WNT9A: variants seen among roughly 807,000 people sequenced by gnomAD.
WNT9A encodes the protein Wnt family member 9A.
In WNT9A, 8 loss-of-function variants were observed where a neutral mutation model predicts 31.4. The observed-to-expected ratio is 0.26, with a 90% CI of 0.15 to 0.46. WNT9A has a LOEUF of 0.46. Among genes scored for constraint, WNT9A ranks in the 20% least tolerant of loss-of-function variants. WNT9A has a pLI of 0.99. For missense variants in WNT9A, 457 were observed against 522.9 expected (o/e 0.87, Z 1.23); for synonymous variants, 236 against 220.1 (o/e 1.07, Z -0.64).
At chr1:227,939,289 C>A (rs1050167545) in intron 1 of WNT9A, among the ~76,000 whole-genome samples, 1 of 152,212 alleles carries the variant, frequency 6.6e-6, no homozygotes, top group East Asian at 1.9e-4. Flanking sequence ...GGAAGCTGGC[C>A]GCGGTGGTCA....
chr1:227,931,880 C>CTTT (rs33949354), intron 1 of WNT9A, among the ~76,000 whole-genome samples: 10,756 of 142,524 alleles, frequency 0.075, 515 homozygotes, highest in South Asian at 0.12. Context: ...GTGGAAATGT[C>CTTT]TTTTTTTTTT....
chr1:227,944,438 G>A (rs985042779), intron 1 of WNT9A, among the ~76,000 whole-genome samples: 1 of 152,228 alleles, frequency 6.6e-6, no homozygotes, highest in East Asian at 1.9e-4. Context: ...TTAAACAGTG[G>A]TGAGAGCTGC....
rs752713519 is a variant in WNT9A at position 227,925,301 on chromosome 1, G to A, written c.314C>T (p.Thr105Met). ...FQFRFERWNCTLEGRYRASLL... is the reference protein window; with the variant it reads ...FQFRFERWNCMLEGRYRASLL... Reference sequence around the variant, plus strand: ...GCTGGCCCGGTAGCGGCCCTCCAGCGTGCAGTTCCAGCGCTCAAAGCGGAA... The same window carrying A: ...GCTGGCCCGGTAGCGGCCCTCCAGCATGCAGTTCCAGCGCTCAAAGCGGAA... The change falls in exon 2 of 4, where the codon ACG becomes ATG. Residue 105 changes from threonine to methionine, a missense_variant. Physicochemically the swap from Thr to Met is moderately conservative, Grantham distance 81. Transcript: ENST00000272164. This position sits in a 1 kb window ranked among gnomAD's most constrained non-coding sequence, Gnocchi z 6.0. The A allele has an allele frequency of 1.9e-5, 30 of 1,585,244 alleles. No homozygotes were observed. Among genetic ancestry groups the A allele is most frequent in the East Asian group, 4.7e-5 (2 of 42,814 alleles).
chr1:227,936,269 A>G (rs975752066), intron 1 of WNT9A, among the ~76,000 whole-genome samples: 8 of 151,962 alleles, frequency 5.3e-5, no homozygotes, highest in African/African-American at 1.9e-4. Context: ...GATCACTGCA[A>G]CTTCCACCTC....
intron 3 of WNT9A, among the ~76,000 whole-genome samples, chr1:227,922,337 C>T (rs375170391): frequency 6.6e-6 from 1 of 152,218 alleles, no homozygotes; most frequent in Non-Finnish European, 1.5e-5. Context: ...ACCTTCTGCC[C>T]CCATTCCCAT....
intron 1 of WNT9A, among the ~76,000 whole-genome samples, chr1:227,931,671 T>C (rs1558261588): frequency 6.6e-6 from 1 of 152,228 alleles, no homozygotes; most frequent in African/African-American, 2.4e-5. Flanking sequence ...ATGCTTACAC[T>C]ACAGTCTTTA....
chr1:227,921,658 C>T lies in WNT9A; in HGVS notation c.958G>A (p.Glu320Lys), dbSNP rs761246906. 15 of 1,613,314 alleles carry T rather than the reference C, an allele frequency of 9.3e-6. No homozygotes were observed. In the Admixed American group the frequency reaches 1.3e-4, roughly 14 times the overall value. Residue 320 changes from glutamate (E) to lysine (K), a missense_variant, in exon 4 of 4, where the codon GAG becomes AAG. Physicochemically the swap from Glu to Lys is moderately conservative, Grantham distance 56. Coordinates refer to ENST00000272164, the MANE Select transcript of WNT9A (RefSeq NM_003395.4). ...GRRCHREKNC[E>K]SICCGRGHNT... Reference sequence around the variant, plus strand: ...TGGCCGCGGCCACAGCAGATGCTCTCGCAGTTCTTCTCACGGTGGCACCTA... The same window carrying T: ...TGGCCGCGGCCACAGCAGATGCTCTTGCAGTTCTTCTCACGGTGGCACCTA...
chr1:227,947,402 G>A (rs890901780), intron 1 of WNT9A, among the ~76,000 whole-genome samples: 1 of 152,198 alleles, frequency 6.6e-6, no homozygotes, highest in Non-Finnish European at 1.5e-5. Flanking sequence ...AAGAGAAAGG[G>A]GGGGAAGCTG....
chr1:227,922,100 A>C, intron 3 of WNT9A, 100 bp from the exon 4 acceptor site: 1 of 1,485,824 alleles, frequency 6.7e-7, no homozygotes, highest in Non-Finnish European at 8.9e-7. Context: ...CCACACCCCC[A>C]CCCAGGCCCA....
At chr1:227,934,236 T>G (rs1027100807) in intron 1 of WNT9A, among the ~76,000 whole-genome samples, 4 of 152,260 alleles carry the variant, frequency 2.6e-5, no homozygotes, top group Non-Finnish European at 2.9e-5. Context: ...ACAGGGAAAC[T>G]CTGTGCTTAA....
chr1:227,947,690 C>T (rs1666817688), intron 1 of WNT9A, 103 bp downstream of exon 1: 1 of 666,998 alleles, frequency 1.5e-6, no homozygotes, highest in South Asian at 6.5e-5. Flanking sequence ...CCCCGCCGCG[C>T]CCCGGCCCCA....
chr1:227,921,837 G>A lies in WNT9A; in HGVS notation c.779C>T (p.Ala260Val). ...GGAGATGGCACCTGCCTCGCCGGCA[G>A]CTTCATTGGTGGTGCTGCCCACCTT... The part of the protein sequence containing the change: ...ALKVGSTTNE[A>V]AGEAGAISPP... The change falls in exon 4 of 4, where the codon GCT becomes GTT. Residue 260 changes from alanine to valine, a missense_variant. By Grantham distance (64) the Ala-to-Val change is moderately conservative. Transcript: ENST00000272164. The A allele has an allele frequency of 6.2e-7, 1 of 1,613,140 alleles. No homozygotes were observed. Among genetic ancestry groups the A allele is most frequent in the Non-Finnish European group, 8.5e-7 (1 of 1,179,926 alleles).
rs991728002 is a variant in WNT9A at position 227,928,413 on chromosome 1, T to C, written c.96-2894A>G. ...GCCCCAGCCTAGCAGTGGCAAGGGA[T>C]GGCCTGAGGCCCAAAGGCTACGCCC... On this transcript the variant is annotated intron_variant, in intron 1 of 3. Transcript: ENST00000272164. The surrounding 1 kb of genome is among the most constrained non-coding windows in gnomAD (Gnocchi z 4.5). Among the ~76,000 whole-genome samples, 97 of 152,272 alleles carry C rather than the reference T, an allele frequency of 6.4e-4. No individual in the cohort carries two copies. Among genetic ancestry groups the C allele is most frequent in the African/African-American group, 2.2e-3 (91 of 41,546 alleles).
intron 1 of WNT9A, among the ~76,000 whole-genome samples, chr1:227,931,880 C>CTT (rs33949354): frequency 0.44 from 63,084 of 142,358 alleles, 14,214 homozygotes; most frequent in African/African-American, 0.54. Flanking sequence ...GTGGAAATGT[C>CTT]TTTTTTTTTT....
intron 1 of WNT9A, among the ~76,000 whole-genome samples, chr1:227,927,374 G>A (rs1666436527): frequency 6.6e-6 from 1 of 152,224 alleles, no homozygotes; most frequent in Non-Finnish European, 1.5e-5. Context: ...CCATGGGGAG[G>A]ACAGGAGGGA....
Position 227,947,578 on chromosome 1 carries a change from C to T in WNT9A, c.95+215G>A, listed in dbSNP as rs980177397. Among the ~76,000 whole-genome samples, 117 of 151,286 alleles carry T rather than the reference C, an allele frequency of 7.7e-4. 1 individual carries two copies. The East Asian group carries it at 0.017, about 22-fold the overall frequency. On this transcript the variant is annotated intron_variant, in intron 1 of 3. Coordinates refer to ENST00000272164, the MANE Select transcript of WNT9A (RefSeq NM_003395.4). ...ACTCTGCGGTCACGGAGGACCGCGG[C>T]CCGGCGCAAGCCGGACGGGTCCACC...
intron 1 of WNT9A, among the ~76,000 whole-genome samples, chr1:227,934,240 T>G (rs1666554529): frequency 6.6e-6 from 1 of 152,262 alleles, no homozygotes; most frequent in Non-Finnish European, 1.5e-5. Context: ...GGAAACTCTG[T>G]GCTTAATCCC....
intron 1 of WNT9A, among the ~76,000 whole-genome samples, chr1:227,943,302 G>T (rs1005105121): frequency 9.9e-5 from 15 of 152,178 alleles, no homozygotes; most frequent in African/African-American, 3.6e-4. Flanking sequence ...CTTGTGCAGG[G>T]GTAAGAGCGC....
intron 1 of WNT9A, among the ~76,000 whole-genome samples, chr1:227,938,548 C>T (rs1374945942): frequency 2.0e-5 from 3 of 151,908 alleles, no homozygotes; most frequent in Admixed American, 6.6e-5. Flanking sequence ...CATATGAACC[C>T]GTAAACCGAT....
Sources: allele counts gnomAD v4.1 joint callset (sites outside exome capture counted in the v4.1 genomes callset), GRCh38; gene constraint gnomAD v4.1.1; non-coding constraint Gnocchi (gnomAD v3.1); transcripts MANE v1.5; gene names NCBI Gene and HGNC (gene_info 2026-07-23, HGNC 2026-07-21).